ABTB3: variants seen among roughly 807,000 people sequenced by gnomAD.
ABTB3 encodes ankyrin repeat- and BTB/POZ domain-containing protein 3.
At chr12:107,541,602 C>A in the ABTB3 span, among the ~76,000 whole-genome samples, 1 of 152,224 alleles carries the variant, frequency 6.6e-6, no homozygotes, top group Non-Finnish European at 1.5e-5. Context: ...CTTTCCTCTT[C>A]GGAGAACTTC....
At chr12:107,498,450 C>G in the ABTB3 span, among the ~76,000 whole-genome samples, 3 of 152,222 alleles carry the variant, frequency 2.0e-5, no homozygotes, top group Non-Finnish European at 2.9e-5. Context: ...CTACTGCAAA[C>G]TTAGCGTCCT....
chr12:107,372,782 T>C, the ABTB3 span, among the ~76,000 whole-genome samples: 3 of 152,338 alleles, frequency 2.0e-5, no homozygotes, highest in East Asian at 5.8e-4. Context: ...CTTACTTTAT[T>C]TTTTGTAGCA....
the ABTB3 span, among the ~76,000 whole-genome samples, chr12:107,349,233 G>A: frequency 6.6e-6 from 1 of 152,176 alleles, no homozygotes; most frequent in African/African-American, 2.4e-5. Flanking sequence ...CTGGCATTGG[G>A]AGATTTGTTT....
At chr12:107,469,813 A>G in the ABTB3 span, among the ~76,000 whole-genome samples, 2 of 151,860 alleles carry the variant, frequency 1.3e-5, no homozygotes, top group African/African-American at 4.8e-5. Context: ...AATGGCAGTG[A>G]TGATCCTTGT....
chr12:107,537,597 A>G, the ABTB3 span, among the ~76,000 whole-genome samples: 5 of 151,786 alleles, frequency 3.3e-5, no homozygotes, highest in East Asian at 9.7e-4. Flanking sequence ...CTTTTCCTCC[A>G]CCCTCCCTTG....
chr12:107,369,040 C>G, the ABTB3 span, among the ~76,000 whole-genome samples: 1 of 152,208 alleles, frequency 6.6e-6, no homozygotes, highest in Non-Finnish European at 1.5e-5. Flanking sequence ...TCTGCCACCT[C>G]TCTGTTAACT....
chr12:107,508,956 T>G, the ABTB3 span, among the ~76,000 whole-genome samples: 2 of 152,168 alleles, frequency 1.3e-5, no homozygotes, highest in Admixed American at 6.5e-5. Flanking sequence ...TGTGACATTT[T>G]CATAGCTACC....
chr12:107,651,420 G>A, the ABTB3 span, among the ~76,000 whole-genome samples: 1 of 152,210 alleles, frequency 6.6e-6, no homozygotes, highest in Middle Eastern at 3.4e-3. Flanking sequence ...TGGGTTGACC[G>A]CCTGCTGTGA....
the ABTB3 span, among the ~76,000 whole-genome samples, chr12:107,337,902 C>T: frequency 6.4e-4 from 98 of 152,172 alleles, no homozygotes; most frequent in Non-Finnish European, 8.8e-4. Flanking sequence ...TCTTATGAGT[C>T]GTTGTTTGTG....
the ABTB3 span, among the ~76,000 whole-genome samples, chr12:107,492,250 T>G: frequency 6.6e-6 from 1 of 152,144 alleles, no homozygotes; most frequent in Non-Finnish European, 1.5e-5. Flanking sequence ...CTGTCAGGCT[T>G]CGTGTTCACC....
the ABTB3 span, among the ~76,000 whole-genome samples, chr12:107,507,617 A>G: frequency 6.6e-6 from 1 of 152,130 alleles, no homozygotes; most frequent in African/African-American, 2.4e-5. Flanking sequence ...GCTCCCCTCC[A>G]TGATCTGGCC....
the ABTB3 span, chr12:107,620,085 C>T: frequency 9.9e-6 from 16 of 1,614,164 alleles, no homozygotes; most frequent in Non-Finnish European, 1.2e-5. Flanking sequence ...GAGTTTAAGA[C>T]CATTCAGGAG....
chr12:107,430,028 A>C, the ABTB3 span, among the ~76,000 whole-genome samples: 16 of 152,368 alleles, frequency 1.1e-4, no homozygotes, highest in African/African-American at 3.6e-4. Flanking sequence ...TTTGTGTGTG[A>C]ACCTTTCTGG....
chr12:107,384,806 G>A, the ABTB3 span, among the ~76,000 whole-genome samples: 2 of 152,158 alleles, frequency 1.3e-5, no homozygotes, highest in Non-Finnish European at 2.9e-5. Flanking sequence ...GGAGGCCCTT[G>A]AACCTGCCGG....
At chr12:107,345,809 T>G in the ABTB3 span, among the ~76,000 whole-genome samples, 67,052 of 152,046 alleles carry the variant, frequency 0.44, 18,159 homozygotes, top group African/African-American at 0.78. Flanking sequence ...AAGCCTGGGA[T>G]CTTAAGAGGA....
chr12:107,626,459 C>T, the ABTB3 span, among the ~76,000 whole-genome samples: 2 of 151,148 alleles, frequency 1.3e-5, no homozygotes, highest in South Asian at 4.2e-4. Context: ...TATTCTCCTG[C>T]CTCAGCATCC....
At chr12:107,358,861 G>A in the ABTB3 span, among the ~76,000 whole-genome samples, 1 of 152,154 alleles carries the variant, frequency 6.6e-6, no homozygotes, top group East Asian at 1.9e-4. Context: ...CAATGTGTTG[G>A]GATTACAGGC....
At chr12:107,594,298 T>C in the ABTB3 span, among the ~76,000 whole-genome samples, 3 of 152,212 alleles carry the variant, frequency 2.0e-5, no homozygotes, top group Non-Finnish European at 4.4e-5. Flanking sequence ...TTTAAACATA[T>C]TCAGACAGAC....
chr12:107,348,142 T>A, the ABTB3 span, among the ~76,000 whole-genome samples: 1 of 152,258 alleles, frequency 6.6e-6, no homozygotes, highest in Admixed American at 6.5e-5. Flanking sequence ...CTCCCCATAC[T>A]TCACTACTTT....
Sources: allele counts gnomAD v4.1 joint callset (sites outside exome capture counted in the v4.1 genomes callset), GRCh38; gene constraint gnomAD v4.1.1; transcripts MANE v1.5; gene names NCBI Gene and HGNC (gene_info 2026-07-23, HGNC 2026-07-21).